DDB2: variants seen among roughly 807,000 people sequenced by gnomAD.
The protein encoded by DDB2 is DNA damage-binding protein 2.
Under a neutral mutation model 50.5 loss-of-function variants are expected in DDB2, and 27 were observed. That is an observed-to-expected ratio of 0.53 (90% confidence interval 0.39 to 0.74). The LOEUF (loss-of-function observed/expected upper bound fraction) is 0.74, where lower values mean the gene tolerates loss of function less well. Ranked by LOEUF, DDB2 falls within the 30% of genes least tolerant of loss-of-function variation. The probability of loss-of-function intolerance (pLI) is 0.00; values close to 1 mark genes in which losing one functional copy is unlikely to be tolerated. For missense variants in DDB2, 424 were observed against 545.6 expected (o/e 0.78, Z 2.22); for synonymous variants, 176 against 205.5 (o/e 0.86, Z 1.23).
In DDB2 at chr11:47,216,368, T is replaced by C. The variant is rs1435735575; in HGVS notation, c.160T>C (p.Trp54Arg). Residue 54 changes from tryptophan (W) to arginine (R), a missense_variant, in exon 2 of 10, where the codon TGG becomes CGG. Transcript: ENST00000256996. ...CAGAAGATGTGACTCAGACTGCCTC[T>C]GGGTGGGGCTGGCTGGCCCACAGAT... Reference protein sequence around the residue: ...PSRRCDSDCLWVGLAGPQILP... With the variant: ...PSRRCDSDCLRVGLAGPQILP... 2 of 1,614,056 alleles carry C rather than the reference T, an allele frequency of 1.2e-6. No individual in the cohort carries two copies. The highest frequency in any genetic ancestry group is 2.7e-5 in the African/African-American group (2 of 74,916).
chr11:47,216,765 G>A (rs979819522), intron 2 of DDB2, 93 bp from the exon 3 acceptor site: 2 of 1,321,896 alleles, frequency 1.5e-6, no homozygotes, highest in African/African-American at 1.4e-5. Flanking sequence ...GGGAGGACTT[G>A]GATCTAGGGC....
At chr11:47,231,253 T>C (rs1196189337) in intron 3 of DDB2, among the ~76,000 whole-genome samples, 1 of 151,948 alleles carries the variant, frequency 6.6e-6, no homozygotes, top group Admixed American at 6.6e-5. Context: ...TTTTCATGAA[T>C]GTTTGGAAGA....
intron 3 of DDB2, 95 bp downstream of exon 3, chr11:47,217,144 G>A: frequency 2.9e-6 from 3 of 1,050,272 alleles, no homozygotes; most frequent in Non-Finnish European, 4.4e-6. Context: ...GGGAGGCCAA[G>A]GTGGGTGGAT....
At chr11:47,219,693 C>T (rs961532995) in intron 3 of DDB2, among the ~76,000 whole-genome samples, 1 of 152,194 alleles carries the variant, frequency 6.6e-6, no homozygotes, top group Non-Finnish European at 1.5e-5. Context: ...ACTAAACACA[C>T]GTCTCAGCCG....
intron 3 of DDB2, among the ~76,000 whole-genome samples, chr11:47,224,199 G>A (rs1186799229): frequency 6.6e-6 from 1 of 151,990 alleles, no homozygotes; most frequent in Non-Finnish European, 1.5e-5. Context: ...ATGTGCTTGT[G>A]GGGGGATCAC....
In DDB2 at chr11:47,237,975, G is replaced by T; in HGVS notation, c.1162G>T (p.Asp388Tyr). The change falls in exon 8 of 10, where the codon GAC (aspartate) becomes TAC (tyrosine). Residue 388 changes from aspartate to tyrosine, a missense_variant. By Grantham distance (160) the Asp-to-Tyr change is radical. Transcript: ENST00000256996. The stretch of plus-strand genomic sequence containing the variant: ...AGGGAAGATGATGTGTCAGCTCTAT[G>T]ACCCAGAATCTTCTGGCATCAGTTC... ...NSGKMMCQLY[D>Y]PESSGISSLN... is the part of the protein sequence containing the mutation. 1 of 1,614,146 alleles carries T rather than the reference G, an allele frequency of 6.2e-7. No homozygotes were observed. The highest frequency in any genetic ancestry group is 1.1e-5 in the South Asian group (1 of 91,056).
intron 3 of DDB2, among the ~76,000 whole-genome samples, chr11:47,228,956 CA>C (rs58216148): frequency 1.7e-4 from 16 of 94,230 alleles, no homozygotes; most frequent in African/African-American, 4.5e-4. Context: ...GACTCCATCT[CA>C]AAAAAAAAAA....
At chr11:47,217,940 C>A (rs1008371944) in intron 3 of DDB2, among the ~76,000 whole-genome samples, 24 of 152,118 alleles carry the variant, frequency 1.6e-4, no homozygotes, top group African/African-American at 5.8e-4. Flanking sequence ...TCATCTTACG[C>A]CATTGTCTTT....
chr11:47,231,082 C>T (rs556536499), intron 3 of DDB2, among the ~76,000 whole-genome samples: 5 of 140,254 alleles, frequency 3.6e-5, no homozygotes, highest in Admixed American at 7.8e-5. Context: ...GTTGTGCCAC[C>T]GCACTTCAGC....
chr11:47,236,426 T>G (rs577722796), intron 7 of DDB2, among the ~76,000 whole-genome samples: 2 of 152,364 alleles, frequency 1.3e-5, no homozygotes, highest in Non-Finnish European at 2.9e-5. Flanking sequence ...AGTTCTGCAT[T>G]CTTTTCCAAA....
At chr11:47,217,883 T>TC (rs930629532) in intron 3 of DDB2, among the ~76,000 whole-genome samples, 2 of 151,554 alleles carry the variant, frequency 1.3e-5, no homozygotes, top group Non-Finnish European at 2.9e-5. Context: ...AGAGCGAGAC[T>TC]CCATCTCAAA....
At chr11:47,235,203 G>A in intron 6 of DDB2, 67 bp from the exon 7 acceptor site, 1 of 1,593,106 alleles carries the variant, frequency 6.3e-7, no homozygotes, top group Non-Finnish European at 8.6e-7. Context: ...TGCAGGAGAA[G>A]GCCTGCAAGG....
Position 47,226,639 on chromosome 11 carries a change from A to G in DDB2, c.457-6175A>G, listed in dbSNP as rs117641284. On this transcript the variant is annotated intron_variant, in intron 3 of 9. Coordinates refer to ENST00000256996, the MANE Select transcript of DDB2 (RefSeq NM_000107.3). ...GTGATAGCAGTGTAGTTTCATTTGC[A>G]TTTCTCTAATGATTAGTGATATTGA... 9.2e-4 allele frequency among the ~76,000 whole-genome samples: 138 copies of G among 150,418 alleles called. 4 individuals are homozygous for G. The East Asian group carries it at 0.027, about 29-fold the overall frequency.
At chr11:47,217,744 A>G (rs904138470) in intron 3 of DDB2, among the ~76,000 whole-genome samples, 3 of 152,050 alleles carry the variant, frequency 2.0e-5, no homozygotes, top group Non-Finnish European at 4.4e-5. Context: ...ACAAAAAATT[A>G]GCTGGATGTG....
At chr11:47,236,906 T>G (rs1953733209) in intron 7 of DDB2, among the ~76,000 whole-genome samples, 1 of 152,248 alleles carries the variant, frequency 6.6e-6, no homozygotes, top group African/African-American at 2.4e-5. Flanking sequence ...GTGACTTATT[T>G]CTAAGCCTTC....
intron 3 of DDB2, among the ~76,000 whole-genome samples, chr11:47,228,226 C>G (rs1953587960): frequency 6.7e-6 from 1 of 149,508 alleles, no homozygotes; most frequent in African/African-American, 2.5e-5. Flanking sequence ...CTGAGTGCAC[C>G]ACTGCAGTCC....
intron 3 of DDB2, chr11:47,220,847 A>G (rs890102730): frequency 7.2e-5 from 11 of 152,158 alleles, no homozygotes; most frequent in African/African-American, 2.7e-4. Flanking sequence ...AGATAGCTTA[A>G]TTTTATTCCT....
intron 2 of DDB2, 135 bp from the exon 3 acceptor site, chr11:47,216,723 T>C (rs1168133176): frequency 4.8e-6 from 5 of 1,034,278 alleles, no homozygotes; most frequent in African/African-American, 3.2e-5. Context: ...AATATTTTCA[T>C]GCACAGGGCA....
At position 47,215,379 on chromosome 11, in the gene DDB2, T is replaced by C. The variant is rs1442081913; in HGVS notation, c.127+116T>C. ...GAGGCCCGCGCAGGTCACGGGTGCC[T>C]CCGGCTGTGCATTCTACCTGCAGGT... On this transcript the variant is annotated intron_variant, in intron 1 of 9. Transcript: ENST00000256996. 2.0e-6 allele frequency: 3 copies of C among 1,514,220 alleles called. No individual in the cohort carries two copies. The East Asian group carries it at 6.8e-5, about 34-fold the overall frequency. The allele number at this position is 1,514,220 out of a possible 1,614,324, so 93.8% of individuals were successfully genotyped here.
Sources: gnomAD v4.1 joint callset for allele counts (sites outside exome capture counted in the v4.1 genomes callset) on GRCh38, gnomAD v4.1.1 for gene constraint, MANE v1.5 for transcripts, NCBI Gene and HGNC (gene_info 2026-07-23, HGNC 2026-07-21) for gene names.